The following GNL2 variants were observed in gnomAD, a reference collection of about 807,000 sequenced individuals.
GNL2 encodes nucleolar GTP-binding protein 2.
In GNL2, 51 loss-of-function variants were observed where a neutral mutation model predicts 92.3. That is an observed-to-expected ratio of 0.55 (90% CI 0.44 to 0.70). The LOEUF (loss-of-function observed/expected upper bound fraction) is 0.70, where lower values mean the gene tolerates loss of function less well. Ranked by LOEUF, GNL2 falls within the 30% of genes least tolerant of loss-of-function variation. The probability of loss-of-function intolerance (pLI) is 0.00; values close to 1 mark genes in which losing one functional copy is unlikely to be tolerated. For missense variants in GNL2, 844 were observed against 895.6 expected (o/e 0.94, Z 0.74); for synonymous variants, 283 against 300.6 (o/e 0.94, Z 0.61).
rs200368045 is a variant in GNL2 at position 37,568,371 on chromosome 1, G to A, written c.1869-14C>T. 57 of 1,554,644 alleles carry A rather than the reference G, an allele frequency of 3.7e-5. No homozygotes were observed. In the East Asian group the frequency reaches 9.4e-4, roughly 26 times the overall value. On this transcript the variant is annotated splice_polypyrimidine_tract_variant and intron_variant, in intron 13 of 15. Coordinates refer to ENST00000373062, the MANE Select transcript of GNL2 (RefSeq NM_013285.3). ...CCCTTGGATATTCTGAAACAGAAAA[G>A]CAAAGTAACATTCCTCCTCTCACTC...
rs577737182 is a variant in GNL2, at chr1:37,568,716, A to AAAAC, written c.1868+131_1868+134dup. 6 of 726,842 alleles carry AAAAC rather than the reference A, an allele frequency of 8.3e-6. No individual in the cohort carries two copies. In the Admixed American group the frequency reaches 1.2e-4, roughly 14 times the overall value. 45.0% of individuals were successfully genotyped at this position (726,842 alleles called of 1,614,324 possible). On this transcript the variant is annotated intron_variant, in intron 13 of 15. Transcript: ENST00000373062. ...GCAACATAGCGAGACGCCGTCTCAA[A>AAAAC]AAACAAACAAACAAAAAACCCAACC...
At position 37,589,403 on chromosome 1, in the gene GNL2, CAT is replaced by C. The variant is rs574778823; in HGVS notation, c.384+1301_384+1302del. Among the ~76,000 whole-genome samples the C allele has an allele frequency of 2.5e-4, 38 of 152,360 alleles. No homozygotes were observed. The South Asian group carries it at 7.7e-3, about 31-fold the overall frequency. On this transcript the variant is annotated intron_variant, in intron 4 of 15. Coordinates refer to ENST00000373062, the MANE Select transcript of GNL2 (RefSeq NM_013285.3). ...CACTGCAAGCTCTGCCTCCCGGGTTCATATCATTCTCCTGCCTCAGCCTCCTG... is the reference window on the plus strand; with the variant it reads ...CACTGCAAGCTCTGCCTCCCGGGTTCATCATTCTCCTGCCTCAGCCTCCTG...
chr1:37,588,307 A>C (rs917269651), intron 4 of GNL2, among the ~76,000 whole-genome samples: 1 of 151,412 alleles, frequency 6.6e-6, no homozygotes, highest in Admixed American at 6.6e-5. Flanking sequence ...TTTTCCCCCT[A>C]GTACAAGCTC....
intron 1 of GNL2, among the ~76,000 whole-genome samples, chr1:37,595,168 T>C (rs1643913816): frequency 6.6e-6 from 1 of 152,202 alleles, no homozygotes; most frequent in African/African-American, 2.4e-5. Context: ...TAAAACAAAG[T>C]TTTATTAATT....
intron 4 of GNL2, among the ~76,000 whole-genome samples, chr1:37,589,928 C>T (rs1287069530): frequency 6.6e-6 from 1 of 152,222 alleles, no homozygotes; most frequent in Non-Finnish European, 1.5e-5. Context: ...TAATTCTACG[C>T]TGTCCCAAAG....
chr1:37,589,415 C>T (rs1007594760), intron 4 of GNL2, among the ~76,000 whole-genome samples: 2 of 152,354 alleles, frequency 1.3e-5, no homozygotes, highest in Admixed American at 6.5e-5. Flanking sequence ...TATCATTCTC[C>T]TGCCTCAGCC....
intron 9 of GNL2, 27 bp downstream of exon 9, chr1:37,576,401 A>AGTAAG (rs1643677648): frequency 6.2e-7 from 1 of 1,603,570 alleles, no homozygotes. Flanking sequence ...AATATGCAAA[A>AGTAAG]GTAAGGTCAC....
intron 5 of GNL2, 36 bp downstream of exon 5, chr1:37,587,275 A>C (rs756274783): frequency 6.6e-7 from 1 of 1,504,920 alleles, no homozygotes; most frequent in Admixed American, 2.1e-5. Context: ...TCAAAAAAAA[A>C]AAAACAAAAA....
Position 37,569,149 on chromosome 1 carries a change from G to A in GNL2, c.1570C>T (p.Gln524Ter). 1 of 1,614,140 alleles carries A rather than the reference G, an allele frequency of 6.2e-7. No individual in the cohort carries two copies. The highest frequency in any genetic ancestry group is 8.5e-7 in the Non-Finnish European group (1 of 1,179,998). Residue 524 changes from glutamine (Q) to a stop codon, truncating the protein, a stop_gained, in exon 13 of 16, where the codon CAG (glutamine) becomes TAG (stop). Coordinates refer to ENST00000373062, the MANE Select transcript of GNL2 (RefSeq NM_013285.3). LOFTEE classifies it high-confidence loss of function. ...TTCTGCCGAACTCGTGTGAGAATCT[G>A]CTGCATCTCTGTGTTAGCATCACAG... ...SHCDANTEMQ[Q>*]ILTRVRQNFG...
At chr1:37,588,107 A>G (rs1369958350) in intron 4 of GNL2, among the ~76,000 whole-genome samples, 1 of 152,206 alleles carries the variant, frequency 6.6e-6, no homozygotes, top group African/African-American at 2.4e-5. Context: ...TCTTCGGATG[A>G]AAAACATCTA....
intron 4 of GNL2, among the ~76,000 whole-genome samples, chr1:37,590,153 C>T (rs1360894951): frequency 6.6e-6 from 1 of 152,180 alleles, no homozygotes; most frequent in Non-Finnish European, 1.5e-5. Context: ...GTTGCCCAGG[C>T]TGGAGTGCAA....
rs1454047586 is a variant in GNL2, at chr1:37,567,792, A to G, written c.1952-28T>C. On this transcript the variant is annotated intron_variant, in intron 14 of 15. Transcript: ENST00000373062. ...GGATACAAACAATACACAAACAGGA[A>G]TTTTCTATTGAAAATTTGTCTATAA... 4.5e-6 allele frequency: 7 copies of G among 1,564,480 alleles called. No individual in the cohort carries two copies. In the Admixed American group the frequency reaches 1.2e-4, roughly 26 times the overall value.
At position 37,566,879 on chromosome 1, in the gene GNL2, G is replaced by A. The variant is rs779559713; in HGVS notation, c.2172C>T (p.Arg724=). The change falls in exon 16 of 16, where the codon CGC becomes CGT. Residue 724 remains arginine, a synonymous_variant. Transcript: ENST00000373062. The part of the protein sequence containing the change: ...TNDSEGQKHK[R]KKFRQKQ The stretch of plus-strand genomic sequence containing the variant: ...ATTACTGCTTTTGTCTGAATTTTTT[G>A]CGTTTGTGTTTCTGTCCCTCTGAGT... 1.9e-6 allele frequency: 3 copies of A among 1,612,448 alleles called. No homozygotes were observed.
rs148607956 is a variant in GNL2, at chr1:37,574,396, G to C, written c.1363C>G (p.Arg455Gly). The C allele has an allele frequency of 2.5e-6, 4 of 1,613,982 alleles. No individual in the cohort carries two copies. The highest frequency in any genetic ancestry group is 1.7e-6 in the Non-Finnish European group (2 of 1,179,982). The change falls in exon 12 of 16, where the codon CGG becomes GGG. Residue 455 changes from arginine to glycine, a missense_variant. By Grantham distance (125) the Arg-to-Gly change is moderately radical. Coordinates refer to ENST00000373062, the MANE Select transcript of GNL2 (RefSeq NM_013285.3). ...GGTGGCTTGACAAAGAAAGGAATCC[G>C]GCCCCTCTGCCAGTCATTGAGGACC... The part of the protein sequence containing the change: ...KMVLNDWQRG[R>G]IPFFVKPPNA...
intron 4 of GNL2, among the ~76,000 whole-genome samples, chr1:37,587,941 T>C (rs1239876693): frequency 6.6e-6 from 1 of 152,208 alleles, no homozygotes; most frequent in Non-Finnish European, 1.5e-5. Flanking sequence ...CTCAAATTTG[T>C]GAGTTTTTTT....
Position 37,569,219 on chromosome 1 carries a change from T to G in GNL2, c.1500A>C (p.Glu500Asp). ...PGEEVTETAG[E>D]GSESIIKEET... ...CTTCCTTAATGATGGATTCTGACCCTTCACCTGCAGTTTCTGTGACTTCCT... is the reference window on the plus strand; with the variant it reads ...CTTCCTTAATGATGGATTCTGACCCGTCACCTGCAGTTTCTGTGACTTCCT... The change falls in exon 13 of 16, where the codon GAA (glutamate) becomes GAC (aspartate). Residue 500 changes from glutamate (E) to aspartate (D), a missense_variant. Coordinates refer to ENST00000373062, the MANE Select transcript of GNL2 (RefSeq NM_013285.3). The G allele has an allele frequency of 6.2e-7, 1 of 1,613,844 alleles. No individual in the cohort carries two copies. Among genetic ancestry groups the G allele is most frequent in the Non-Finnish European group, 8.5e-7 (1 of 1,179,848 alleles).
intron 4 of GNL2, among the ~76,000 whole-genome samples, chr1:37,589,961 A>G (rs1285858251): frequency 6.6e-6 from 1 of 152,220 alleles, no homozygotes; most frequent in Non-Finnish European, 1.5e-5. Flanking sequence ...ACCACTTAAA[A>G]CAAGTTTGCC....
chr1:37,595,232 G>GA (rs1310795217), intron 1 of GNL2, among the ~76,000 whole-genome samples: 1 of 152,170 alleles, frequency 6.6e-6, no homozygotes, highest in Non-Finnish European at 1.5e-5. Flanking sequence ...CGTACAGGTG[G>GA]AACCTCGCCA....
intron 8 of GNL2, among the ~76,000 whole-genome samples, chr1:37,576,835 G>A (rs990080875): frequency 6.6e-6 from 1 of 152,174 alleles, no homozygotes; most frequent in African/African-American, 2.4e-5. Flanking sequence ...AAGAAGGCTC[G>A]GCACAGTGGC....
Sources: gnomAD v4.1 joint callset for allele counts (sites outside exome capture counted in the v4.1 genomes callset) on GRCh38, gnomAD v4.1.1 for gene constraint, MANE v1.5 for transcripts, NCBI Gene and HGNC (gene_info 2026-07-23, HGNC 2026-07-21) for gene names.